The following NBDY variants were observed in gnomAD, a reference collection of about 807,000 sequenced individuals.
NBDY encodes the protein P-body dissociating protein.
chrX:56,755,632 C>A (rs1309927770), intron 2 of NBDY, among the ~76,000 whole-genome samples: 1 of 111,368 alleles, frequency 9.0e-6, no homozygotes, highest in Non-Finnish European at 1.9e-5. Context: ...ATTAAAAAGT[C>A]AGGAAACAAC....
intron 2 of NBDY, among the ~76,000 whole-genome samples, chrX:56,748,919 T>C (rs1186633185): frequency 9.6e-6 from 1 of 104,169 alleles, no homozygotes; most frequent in Non-Finnish European, 2.0e-5. Flanking sequence ...TGTAAGAAGA[T>C]TAAGAGCCAA....
At chrX:56,739,236 G>GTATATATATATATATATATATATA (rs67727538) in intron 2 of NBDY, among the ~76,000 whole-genome samples, 2 of 58,080 alleles carry the variant, frequency 3.4e-5, no homozygotes, top group Admixed American at 2.1e-4. Context: ...GTGTTTGTGT[G>GTATATATATATATATATATATATA]TGTATATATA....
chrX:56,806,745 T>A (rs895702093), intron 2 of NBDY, among the ~76,000 whole-genome samples: 1 of 111,802 alleles, frequency 8.9e-6, no homozygotes, highest in Non-Finnish European at 1.9e-5. Flanking sequence ...TTGCAAAGAG[T>A]TTCTCCCATT....
At position 56,732,156 on chromosome X, in the gene NBDY, C is replaced by G; in HGVS notation, c.*123C>G. ...AATGAAGATTATTTACAATGCTACC[C>G]TGCTTTTTCTGGTGTCCTGAACCTG... On this transcript the variant is annotated 3_prime_UTR_variant, in exon 2 of 3. Coordinates refer to ENST00000374922, the MANE Select transcript of NBDY (RefSeq NM_001348129.2). 3.4e-6 allele frequency: 1 copy of G among 296,736 alleles called. No homozygotes were observed. The highest frequency in any genetic ancestry group is 2.0e-4 in the South Asian group (1 of 5,002). 24.5% of individuals were successfully genotyped at this position (296,736 alleles called of 1,213,427 possible). A position where few individuals can be genotyped will look rare whatever the true frequency, so the allele number is the denominator to read the frequency against.
chrX:56,782,889 C>G (rs1363269268), intron 2 of NBDY, among the ~76,000 whole-genome samples: 1 of 112,093 alleles, frequency 8.9e-6, no homozygotes, highest in Non-Finnish European at 1.9e-5. Flanking sequence ...GAAATTAAAT[C>G]ACAAACACAC....
chrX:56,782,427 A>T (rs1192283877), intron 2 of NBDY, among the ~76,000 whole-genome samples: 1 of 110,908 alleles, frequency 9.0e-6, no homozygotes, highest in East Asian at 2.8e-4. Flanking sequence ...CAAGTGTTCT[A>T]GGAGACTGCT....
chrX:56,734,721 G>A (rs914717848), intron 2 of NBDY, among the ~76,000 whole-genome samples: 2 of 111,783 alleles, frequency 1.8e-5, no homozygotes, highest in African/African-American at 6.5e-5. Flanking sequence ...AAAAACAAGA[G>A]TGCCACATAG....
At chrX:56,763,819 T>C (rs1393090536) in intron 2 of NBDY, among the ~76,000 whole-genome samples, 4 of 112,510 alleles carry the variant, frequency 3.6e-5, no homozygotes, top group African/African-American at 6.5e-5. Context: ...CACTCCTCTG[T>C]CTTTTTTTTT....
chrX:56,790,679 G>A (rs895971809), intron 2 of NBDY, among the ~76,000 whole-genome samples: 3 of 111,711 alleles, frequency 2.7e-5, no homozygotes, highest in Non-Finnish European at 3.8e-5. Flanking sequence ...CTCCCATTAC[G>A]TCTCAACATT....
chrX:56,791,385 C>A (rs1212464051), intron 2 of NBDY, among the ~76,000 whole-genome samples: 1 of 111,920 alleles, frequency 8.9e-6, no homozygotes, highest in African/African-American at 3.3e-5. Context: ...CCTCTTTTCC[C>A]TGGTGTCCGA....
chrX:56,782,807 C>T (rs1012935234), intron 2 of NBDY, among the ~76,000 whole-genome samples: 1 of 111,821 alleles, frequency 8.9e-6, no homozygotes, highest in Admixed American at 9.4e-5. Flanking sequence ...CCCACTCTCA[C>T]TCACAGAGGC....
chrX:56,814,145 A>G (rs1329834332), intron 2 of NBDY, among the ~76,000 whole-genome samples: 3 of 111,050 alleles, frequency 2.7e-5, no homozygotes, highest in East Asian at 5.6e-4. Flanking sequence ...GACCGAAGGT[A>G]GTCATTTTAG....
intron 2 of NBDY, among the ~76,000 whole-genome samples, chrX:56,766,151 G>A (rs1022611540): frequency 8.0e-5 from 9 of 112,496 alleles, no homozygotes; most frequent in Admixed American, 6.6e-4. Context: ...TGCTGTAAGT[G>A]TAATCCTGAG....
Position 56,729,529 on chromosome X carries a change from T to A in NBDY, c.176T>A (p.Leu59Gln). ...GCACCTCCTCCTGCATCAGCCGGCC[T>A]GAAGTCGCACCCTCCTCCTCCGGAG... is the stretch of plus-strand genomic sequence containing the variant. ...PSAPPPASAG[L>Q]KSHPPPPEK is the part of the protein sequence containing the mutation. Residue 59 changes from leucine (L) to glutamine (Q), a missense_variant, in exon 1 of 3, where the codon CTG (leucine) becomes CAG (glutamine). Transcript: ENST00000374922. 1 of 298,121 alleles carries A rather than the reference T, an allele frequency of 3.4e-6. No individual in the cohort carries two copies. Among genetic ancestry groups the A allele is most frequent in the Non-Finnish European group, 5.9e-6 (1 of 170,353 alleles). 24.6% of individuals were successfully genotyped at this position (298,121 alleles called of 1,213,427 possible). A position where few individuals can be genotyped will look rare whatever the true frequency, so the allele number is the denominator to read the frequency against.
chrX:56,800,039 G>A (rs751616359), intron 2 of NBDY, among the ~76,000 whole-genome samples: 2 of 111,057 alleles, frequency 1.8e-5, no homozygotes, highest in Non-Finnish European at 3.8e-5. Flanking sequence ...TGTGTGGGCC[G>A]CTGCAGATTC....
At chrX:56,739,709 A>G (rs1299938501) in intron 2 of NBDY, among the ~76,000 whole-genome samples, 1 of 111,046 alleles carries the variant, frequency 9.0e-6, no homozygotes, top group African/African-American at 3.3e-5. Context: ...AACTTTGATT[A>G]CTTGGTTAAT....
intron 2 of NBDY, among the ~76,000 whole-genome samples, chrX:56,735,479 C>G (rs1197236385): frequency 8.9e-6 from 1 of 111,975 alleles, no homozygotes; most frequent in East Asian, 2.8e-4. Flanking sequence ...TTGGTCCATT[C>G]TATTTGTTCC....
At chrX:56,743,658 G>T (rs1371124691) in intron 2 of NBDY, among the ~76,000 whole-genome samples, 1 of 110,166 alleles carries the variant, frequency 9.1e-6, no homozygotes, top group African/African-American at 3.3e-5. Context: ...TATTTATTTG[G>T]ATCTTCCCTC....
chrX:56,730,411 T>G (rs375986473), intron 1 of NBDY, among the ~76,000 whole-genome samples: 72 of 101,443 alleles, frequency 7.1e-4, no homozygotes, highest in Admixed American at 2.1e-3. Flanking sequence ...CTCGGGAGGC[T>G]AAGGCAGGAC....
Sources: gnomAD v4.1 joint callset for allele counts (sites outside exome capture counted in the v4.1 genomes callset) on GRCh38, gnomAD v4.1.1 for gene constraint, MANE v1.5 for transcripts, NCBI Gene and HGNC (gene_info 2026-07-23, HGNC 2026-07-21) for gene names.